Variants in PLXDC1 observed in about 807,000 individuals in gnomAD.
PLXDC1 encodes plexin domain containing 1.
In PLXDC1, 39 loss-of-function variants were observed where a neutral mutation model predicts 61.3. The ratio of observed to expected loss-of-function variants is 0.64; its 90% CI spans 0.49 to 0.83. The LOEUF (loss-of-function observed/expected upper bound fraction) is 0.83, where lower values mean the gene tolerates loss of function less well. PLXDC1 is among the 40% of genes least tolerant of loss of function. The pLI is 0.00. For missense variants in PLXDC1, 596 were observed against 666.5 expected (o/e 0.89, Z 1.17); for synonymous variants, 212 against 254.5 (o/e 0.83, Z 1.59).
At chr17:39,123,970 G>A (rs983697636) in intron 2 of PLXDC1, among the ~76,000 whole-genome samples, 5 of 152,118 alleles carry the variant, frequency 3.3e-5, no homozygotes, top group African/African-American at 9.7e-5. Flanking sequence ...CCCAGGAGGC[G>A]TGGATGGGAT....
Position 39,151,513 on chromosome 17 carries a change from C to T in PLXDC1, c.-76G>A. ...AGGGAGGGGGCCCTGGCTCAGGCTG[C>T]GGCCGCGCGGTCCCCGGGGCTGGCG... On this transcript the variant is annotated 5_prime_UTR_variant, in exon 1 of 14. Coordinates refer to ENST00000315392, the MANE Select transcript of PLXDC1 (RefSeq NM_020405.5). The surrounding 1 kb of genome is among the most constrained non-coding windows in gnomAD (Gnocchi z 5.2). The T allele has an allele frequency of 1.6e-6, 2 of 1,225,326 alleles. No individual in the cohort carries two copies. Among genetic ancestry groups the T allele is most frequent in the African/African-American group, 1.6e-5 (1 of 64,092 alleles). 75.9% of individuals were successfully genotyped at this position (1,225,326 alleles called of 1,614,324 possible).
At chr17:39,106,123 A>T (rs776046158) in intron 6 of PLXDC1, among the ~76,000 whole-genome samples, 170 bp from the exon 7 acceptor site, 5 of 144,866 alleles carry the variant, frequency 3.5e-5, no homozygotes, top group Non-Finnish European at 6.0e-5. Context: ...TCTCCACACC[A>T]CCTCCAAGCA....
Position 39,063,359 on chromosome 17 carries a change from C to T in PLXDC1, c.*4481G>A. The T allele has an allele frequency of 7.7e-6, 5 of 653,536 alleles. No homozygotes were observed. Among genetic ancestry groups the T allele is most frequent in the Non-Finnish European group, 8.2e-6 (3 of 363,968 alleles). The allele number at this position is 653,536 out of a possible 1,614,324, so 40.5% of individuals were successfully genotyped here. A position where few individuals can be genotyped will look rare whatever the true frequency, so the allele number is the denominator to read the frequency against. On this transcript the variant is annotated 3_prime_UTR_variant, in exon 14 of 14. Coordinates refer to ENST00000315392, the MANE Select transcript of PLXDC1 (RefSeq NM_020405.5). Reference sequence around the variant, plus strand: ...TGTCCTCAGACAGTAGATAAAAATGCATGGGGTTTACTTCCAGGGATTTAC... The same window carrying T: ...TGTCCTCAGACAGTAGATAAAAATGTATGGGGTTTACTTCCAGGGATTTAC...
intron 2 of PLXDC1, among the ~76,000 whole-genome samples, chr17:39,120,641 C>T (rs34722855): frequency 1.4e-5 from 2 of 139,384 alleles, no homozygotes; most frequent in African/African-American, 5.4e-5. Context: ...GTCTCACTCT[C>T]TTGCCTGATC....
chr17:39,080,010 G>A, intron 9 of PLXDC1: 1 of 171,240 alleles, frequency 5.8e-6, no homozygotes, highest in Non-Finnish European at 1.3e-5. Context: ...TCCTCCTGCA[G>A]CAGGGATGGC....
chr17:39,085,197 G>A (rs1476385199), intron 8 of PLXDC1, among the ~76,000 whole-genome samples: 1 of 152,256 alleles, frequency 6.6e-6, no homozygotes, highest in African/African-American at 2.4e-5. Context: ...CTGGGTGAGT[G>A]GGAGAGAGGC....
At position 39,139,764 on chromosome 17, in the gene PLXDC1, G is replaced by T; in HGVS notation, c.145C>A (p.Arg49=). 1 of 1,613,924 alleles carries T rather than the reference G, an allele frequency of 6.2e-7. No individual in the cohort carries two copies. Among genetic ancestry groups the T allele is most frequent in the African/African-American group, 1.3e-5 (1 of 75,050 alleles). Residue 49 remains arginine, a synonymous_variant, in exon 2 of 14, where the codon CGA becomes AGA. Coordinates refer to ENST00000315392, the MANE Select transcript of PLXDC1 (RefSeq NM_020405.5). Reference sequence around the variant, plus strand: ...TCTGACACATGCCCAGGGCTCTCTCGGGCTCTCCGGTTCCAGCCCCGCACG... The same window carrying T: ...TCTGACACATGCCCAGGGCTCTCTCTGGCTCTCCGGTTCCAGCCCCGCACG... ...GTVRGWNRRA[R]ESPGHVSEPD...
intron 7 of PLXDC1, among the ~76,000 whole-genome samples, chr17:39,088,171 A>G (rs1018145400): frequency 1.3e-5 from 2 of 152,126 alleles, no homozygotes; most frequent in Non-Finnish European, 2.9e-5. Flanking sequence ...ATGAGGGTCT[A>G]TTTGGAGGCT....
rs140497621 is a variant in PLXDC1 at position 39,083,540 on chromosome 17, G to C, written c.908C>G (p.Thr303Ser). The stretch of plus-strand genomic sequence containing the variant: ...GTCACAGCTCCTATGCTGCAGGCAG[G>C]CTGCAAGAGAGAAGGCAGTGGCCGC... Reference protein sequence around the residue: ...MSAVEFTPLPTCLQHRSCDAC... With the variant: ...MSAVEFTPLPSCLQHRSCDAC... The change falls in exon 9 of 14, where the codon ACC (threonine) becomes AGC (serine). Residue 303 changes from threonine to serine, a missense_variant and splice_region_variant. By Grantham distance (58) the Thr-to-Ser change is moderately conservative (BLOSUM62 1). Transcript: ENST00000315392. The C allele has an allele frequency of 5.7e-5, 91 of 1,610,570 alleles. 2 individuals are homozygous for C. In the African/African-American group the frequency reaches 9.6e-4, roughly 17 times the overall value.
intron 6 of PLXDC1, 106 bp downstream of exon 6, chr17:39,107,301 T>C: frequency 1.4e-6 from 1 of 702,050 alleles, no homozygotes; most frequent in Non-Finnish European, 2.5e-6. Flanking sequence ...AACTGCTGTA[T>C]TACCAGCAGC....
intron 2 of PLXDC1, among the ~76,000 whole-genome samples, chr17:39,113,876 G>T (rs1336905518): frequency 6.6e-6 from 1 of 151,756 alleles, no homozygotes; most frequent in Non-Finnish European, 1.5e-5. Flanking sequence ...TGATTCTGTA[G>T]CAACCAGCAA....
At chr17:39,086,206 G>A (rs955712548) in intron 8 of PLXDC1, among the ~76,000 whole-genome samples, 3 of 152,162 alleles carry the variant, frequency 2.0e-5, no homozygotes, top group African/African-American at 4.8e-5. Context: ...ACCAGTCCTC[G>A]AGGAACCCTG....
In PLXDC1 at chr17:39,106,648, C is replaced by CTTTTTTTTTTTTTTTTTTTTT. The variant is rs199666120; in HGVS notation, c.712-696_712-695insAAAAAAAAAAAAAAAAAAAAA. Among the ~76,000 whole-genome samples the CTTTTTTTTTTTTTTTTTTTTT allele has an allele frequency of 1.6e-5, 2 of 122,590 alleles. 1 individual carries two copies. 80.4% of individuals were successfully genotyped at this position (122,590 alleles called of 152,430 possible). A position where few individuals can be genotyped will look rare whatever the true frequency, so the allele number is the denominator to read the frequency against. On this transcript the variant is annotated intron_variant, in intron 6 of 13. Coordinates refer to ENST00000315392, the MANE Select transcript of PLXDC1 (RefSeq NM_020405.5). ...GCCTTCTTTTTTCTTTTTTCTTTTT[C>CTTTTTTTTTTTTTTTTTTTTT]TTTCTTTTTTTTTTTTTTTGAGACA...
chr17:39,116,974 T>A (rs1041950534), intron 2 of PLXDC1, among the ~76,000 whole-genome samples: 1 of 152,210 alleles, frequency 6.6e-6, no homozygotes, highest in Non-Finnish European at 1.5e-5. Context: ...ACCAGTCTAC[T>A]TCCCCCAGGA....
At chr17:39,112,010 A>C (rs139250053) in intron 2 of PLXDC1, 1 of 152,132 alleles carries the variant, frequency 6.6e-6, no homozygotes, top group Non-Finnish European at 1.5e-5. Flanking sequence ...CTAATGCTTC[A>C]TGTTTTTCCT....
chr17:39,071,702 C>G (rs1361063761), intron 12 of PLXDC1, among the ~76,000 whole-genome samples: 2 of 152,130 alleles, frequency 1.3e-5, no homozygotes, highest in African/African-American at 4.8e-5. Context: ...CAGCCACCCC[C>G]ACAACACACA....
chr17:39,129,783 A>G (rs1242282830), intron 2 of PLXDC1, among the ~76,000 whole-genome samples: 2 of 152,094 alleles, frequency 1.3e-5, no homozygotes, highest in Admixed American at 6.5e-5. Flanking sequence ...AAGAAAAAGA[A>G]AGAAAGAGAA....
intron 2 of PLXDC1, chr17:39,111,848 C>T (rs561873690): frequency 6.6e-6 from 1 of 152,378 alleles, no homozygotes; most frequent in Non-Finnish European, 1.5e-5. Flanking sequence ...AGCCACCAGC[C>T]CTGGAGTCTC....
chr17:39,087,538 C>T (rs1909787339), intron 8 of PLXDC1, 69 bp downstream of exon 8: 2 of 1,210,850 alleles, frequency 1.7e-6, no homozygotes, highest in African/African-American at 3.0e-5. Flanking sequence ...CAGTCATGGG[C>T]CTGGGACATG....
Sources: gnomAD v4.1 joint callset for allele counts (sites outside exome capture counted in the v4.1 genomes callset) on GRCh38, gnomAD v4.1.1 for gene constraint, Gnocchi (gnomAD v3.1) non-coding constraint, MANE v1.5 for transcripts, NCBI Gene and HGNC (gene_info 2026-07-23, HGNC 2026-07-21) for gene names.